Variants in SGCD observed in about 807,000 individuals in gnomAD.
SGCD encodes delta-sarcoglycan.
A neutral mutation model predicts 36.6 loss-of-function variants in SGCD; 18 were observed. That is an observed-to-expected ratio of 0.49 (90% CI 0.34 to 0.73). The LOEUF (loss-of-function observed/expected upper bound fraction) is 0.73. SGCD is among the 30% of genes least tolerant of loss of function. The pLI, the probability that SGCD is intolerant of heterozygous loss-of-function variation, is 0.01. For missense variants in SGCD, 387 were observed against 346.7 expected, an observed-to-expected ratio of 1.12 and a Z score of -0.92; for synonymous variants, 133 against 130.6, an observed-to-expected ratio of 1.02 and a Z score of -0.12.
intron 3 of SGCD, among the ~76,000 whole-genome samples, chr5:156,307,552 G>GTTTTT: frequency 1.2e-4 from 6 of 48,442 alleles, no homozygotes; most frequent in African/African-American, 5.5e-4. Flanking sequence ...CATTTTAACT[G>GTTTTT]TTGTTTTTTT....
At chr5:156,719,975 C>G (rs547238601) in intron 7 of SGCD, among the ~76,000 whole-genome samples, 2 of 152,136 alleles carry the variant, frequency 1.3e-5, no homozygotes, top group South Asian at 2.1e-4. Context: ...GAGAAACACT[C>G]TCTAACAGAG....
chr5:155,925,576 A>G (rs1257387556), intron 1 of SGCD, among the ~76,000 whole-genome samples: 1 of 152,026 alleles, frequency 6.6e-6, no homozygotes, highest in Non-Finnish European at 1.5e-5. Context: ...CTGTGTCTTC[A>G]TATGGCATTT....
chr5:156,073,711 C>A (rs1356757678), intron 1 of SGCD, among the ~76,000 whole-genome samples: 4 of 152,202 alleles, frequency 2.6e-5, no homozygotes, highest in African/African-American at 9.7e-5. Context: ...GTTCTCTACC[C>A]ATGAAGATCA....
At chr5:156,492,243 T>C (rs1755977493) in intron 3 of SGCD, among the ~76,000 whole-genome samples, 1 of 152,162 alleles carries the variant, frequency 6.6e-6, no homozygotes, top group Non-Finnish European at 1.5e-5. Context: ...AGTATTTTAT[T>C]AGTTGGAGTT....
intron 3 of SGCD, among the ~76,000 whole-genome samples, chr5:156,478,810 A>C (rs1755302992): frequency 6.6e-6 from 1 of 151,946 alleles, no homozygotes; most frequent in Admixed American, 6.6e-5. Flanking sequence ...CGAACTCCCA[A>C]CCTCAGATGA....
intron 7 of SGCD, among the ~76,000 whole-genome samples, chr5:156,694,195 G>A (rs997589609): frequency 2.6e-5 from 4 of 152,154 alleles, no homozygotes; most frequent in Admixed American, 1.3e-4. Flanking sequence ...GAGCTTTGGC[G>A]TCTAAACTGC....
At chr5:156,354,350 T>C (rs1769400072) in intron 3 of SGCD, among the ~76,000 whole-genome samples, 1 of 152,004 alleles carries the variant, frequency 6.6e-6, no homozygotes, top group Non-Finnish European at 1.5e-5. Flanking sequence ...GTTCTAGTAT[T>C]GAGAGCTTAG....
At chr5:156,381,306 A>G (rs954675462) in intron 3 of SGCD, among the ~76,000 whole-genome samples, 1 of 152,212 alleles carries the variant, frequency 6.6e-6, no homozygotes, top group African/African-American at 2.4e-5. Flanking sequence ...ACTCACAGAT[A>G]AAAGGAAACG....
chr5:156,664,411 A>G (rs1229249961), intron 7 of SGCD, among the ~76,000 whole-genome samples: 4 of 149,612 alleles, frequency 2.7e-5, no homozygotes, highest in Non-Finnish European at 4.4e-5. Context: ...GAGCCTTGCC[A>G]CAAAATCAGG....
At chr5:156,748,899 G>A (rs926519917) in intron 7 of SGCD, among the ~76,000 whole-genome samples, 2 of 152,002 alleles carry the variant, frequency 1.3e-5, no homozygotes, top group African/African-American at 4.8e-5. Flanking sequence ...GGGGTAGCTG[G>A]GATTACAGGC....
intron 3 of SGCD, among the ~76,000 whole-genome samples, chr5:156,394,208 A>T (rs1327165648): frequency 6.6e-6 from 1 of 152,130 alleles, no homozygotes; most frequent in Middle Eastern, 3.2e-3. Flanking sequence ...GGGTGGTGGG[A>T]AGTGGCAGTA....
At chr5:155,905,739 A>G (rs546918740) in intron 1 of SGCD, among the ~76,000 whole-genome samples, 29 of 152,166 alleles carry the variant, frequency 1.9e-4, no homozygotes, top group African/African-American at 6.5e-4. Context: ...GTGATAGTTA[A>G]TAAGTCTCAC....
chr5:156,370,959 T>A (rs981437477), intron 3 of SGCD, among the ~76,000 whole-genome samples: 8 of 152,078 alleles, frequency 5.3e-5, no homozygotes. Context: ...AGCAAGTAGA[T>A]GATTTGTGTA....
intron 3 of SGCD, among the ~76,000 whole-genome samples, chr5:156,345,746 G>C (rs1768907265): frequency 6.6e-6 from 1 of 152,100 alleles, no homozygotes; most frequent in Non-Finnish European, 1.5e-5. Context: ...CCTCTTGTTT[G>C]ATAAATAAAC....
At position 156,200,762 on chromosome 5, in the gene SGCD, C is replaced by A. The variant is rs1358200173; in HGVS notation, c.-44+76743C>A. Among the ~76,000 whole-genome samples, 3 of 152,108 alleles carry A rather than the reference C, an allele frequency of 2.0e-5. No individual in the cohort carries two copies. In the East Asian group the frequency reaches 5.8e-4, roughly 29 times the overall value. On this transcript the variant is annotated intron_variant, in intron 3 of 9. Coordinates refer to the SGCD transcript ENST00000517913. ...AGTATATATCGCAAAGAATTCAAAGCAGAATCTCAAAGACATATTCACACA... is the reference window on the plus strand; with the variant it reads ...AGTATATATCGCAAAGAATTCAAAGAAGAATCTCAAAGACATATTCACACA...
chr5:156,035,473 G>C (rs1435619395), intron 1 of SGCD, among the ~76,000 whole-genome samples: 4 of 152,042 alleles, frequency 2.6e-5, no homozygotes, highest in Admixed American at 2.6e-4. Context: ...AGCCAGGTAT[G>C]GTGGCACATG....
intron 4 of SGCD, among the ~76,000 whole-genome samples, chr5:156,539,247 A>T (rs1758250504): frequency 6.6e-6 from 1 of 151,904 alleles, no homozygotes; most frequent in African/African-American, 2.4e-5. Flanking sequence ...TACACACAAA[A>T]TTTTATATAT....
At chr5:156,604,591 A>T (rs1196396933) in intron 6 of SGCD, among the ~76,000 whole-genome samples, 2 of 151,756 alleles carry the variant, frequency 1.3e-5, no homozygotes, top group African/African-American at 4.8e-5. Flanking sequence ...AATTCCAGTC[A>T]CATGAGAAAT....
intron 3 of SGCD, among the ~76,000 whole-genome samples, chr5:156,281,772 G>A (rs1028224707): frequency 3.9e-5 from 6 of 152,136 alleles, no homozygotes; most frequent in Admixed American, 6.5e-5. Context: ...CTAGCTTCAG[G>A]CATGGTTAGA....
Sources: allele counts gnomAD v4.1 joint callset (sites outside exome capture counted in the v4.1 genomes callset), GRCh38; gene constraint gnomAD v4.1.1; transcripts MANE v1.5; gene names NCBI Gene and HGNC (gene_info 2026-07-23, HGNC 2026-07-21).